The following FNIP1 variants were observed in gnomAD, a reference collection of about 807,000 sequenced individuals.
FNIP1 encodes the protein folliculin-interacting protein 1.
Under a neutral mutation model 124.5 loss-of-function variants are expected in FNIP1, and 40 were observed. The ratio of observed to expected loss-of-function variants is 0.32; its 90% CI spans 0.25 to 0.42. The LOEUF (loss-of-function observed/expected upper bound fraction) is 0.42. Ranked by LOEUF, FNIP1 falls within the 10% of genes least tolerant of loss-of-function variation. FNIP1 has a pLI of 1.00. For missense variants in FNIP1, 1,176 were observed against 1,403.7 expected (o/e 0.84, Z 2.59); for synonymous variants, 472 against 470.6 (o/e 1.00, Z -0.04).
chr5:131,796,545 T>C, intron 1 of FNIP1: 1 of 474,454 alleles, frequency 2.1e-6, no homozygotes, highest in South Asian at 3.0e-5. Context: ...GCCGCGGTGC[T>C]AGGTCCGGAG....
intron 1 of FNIP1, among the ~76,000 whole-genome samples, chr5:131,781,441 A>T (rs531926631): frequency 6.6e-6 from 1 of 152,334 alleles, no homozygotes; most frequent in South Asian, 2.1e-4. Context: ...GCTTTAAAGG[A>T]CAGGCTGACT....
chr5:131,683,445 C>T (rs1768157542), intron 11 of FNIP1, among the ~76,000 whole-genome samples: 4 of 149,636 alleles, frequency 2.7e-5, no homozygotes, highest in South Asian at 2.1e-4. Flanking sequence ...CCCAGCTACT[C>T]GGAAGGCTGA....
intron 1 of FNIP1, among the ~76,000 whole-genome samples, chr5:131,756,468 A>G (rs1472863881): frequency 6.6e-6 from 1 of 152,202 alleles, no homozygotes; most frequent in African/African-American, 2.4e-5. Flanking sequence ...AAAGGAAAAA[A>G]GGCATCTATT....
At chr5:131,747,814 A>C (rs542926732) in intron 1 of FNIP1, among the ~76,000 whole-genome samples, 1 of 152,182 alleles carries the variant, frequency 6.6e-6, no homozygotes, top group Non-Finnish European at 1.5e-5. Flanking sequence ...ATATTCTGCT[A>C]TTTAAAAAAT....
At chr5:131,719,488 A>G in intron 3 of FNIP1, 71 bp from the exon 4 acceptor site, 2 of 1,393,066 alleles carry the variant, frequency 1.4e-6, no homozygotes, top group Non-Finnish European at 2.0e-6. Flanking sequence ...GTTGATTTTT[A>G]TTAAAAATTC....
At chr5:131,658,435 G>GA (rs955148012) in intron 15 of FNIP1, among the ~76,000 whole-genome samples, 3 of 150,086 alleles carry the variant, frequency 2.0e-5, no homozygotes, top group Non-Finnish European at 4.5e-5. Context: ...ACAGCTTTTT[G>GA]TTTTTTTTTA....
chr5:131,754,568 A>G (rs528476737), intron 1 of FNIP1, among the ~76,000 whole-genome samples: 17 of 152,356 alleles, frequency 1.1e-4, no homozygotes, highest in African/African-American at 3.8e-4. Context: ...AGTGATGGGC[A>G]GGGGAGAAGG....
At chr5:131,775,983 T>C (rs922495373) in intron 1 of FNIP1, among the ~76,000 whole-genome samples, 1 of 152,246 alleles carries the variant, frequency 6.6e-6, no homozygotes, top group African/African-American at 2.4e-5. Context: ...TAATCTACTA[T>C]AGCACTTCAC....
chr5:131,666,741 T>C (rs999301119), intron 15 of FNIP1, among the ~76,000 whole-genome samples: 6 of 152,152 alleles, frequency 3.9e-5, no homozygotes, highest in Non-Finnish European at 7.3e-5. Flanking sequence ...AACTAAATAC[T>C]ATTATTATTA....
chr5:131,753,951 C>T (rs1770963724), intron 1 of FNIP1, among the ~76,000 whole-genome samples: 1 of 152,162 alleles, frequency 6.6e-6, no homozygotes, highest in South Asian at 2.1e-4. Context: ...GTAGCTGGGA[C>T]TACAGGCACA....
intron 3 of FNIP1, among the ~76,000 whole-genome samples, chr5:131,722,976 G>C (rs532229600): frequency 7.2e-4 from 109 of 152,212 alleles, no homozygotes; most frequent in African/African-American, 2.4e-3. Context: ...GAGCCAACTC[G>C]CCCAGCCCAC....
intron 2 of FNIP1, among the ~76,000 whole-genome samples, chr5:131,742,676 T>A (rs1285451785): frequency 1.3e-5 from 2 of 152,260 alleles, no homozygotes; most frequent in Non-Finnish European, 2.9e-5. Flanking sequence ...CAAAGCTGAA[T>A]AATTTACTTT....
intron 2 of FNIP1, among the ~76,000 whole-genome samples, chr5:131,740,598 T>A (rs914781742): frequency 5.9e-5 from 9 of 152,194 alleles, no homozygotes; most frequent in African/African-American, 2.2e-4. Flanking sequence ...TCAGAATGGA[T>A]CCATTTGGCT....
At chr5:131,796,804 G>A in intron 1 of FNIP1, 26 bp downstream of exon 1, 5 of 1,549,986 alleles carry the variant, frequency 3.2e-6, no homozygotes, top group Non-Finnish European at 4.4e-6. Flanking sequence ...CATCGGCTCC[G>A]CGACCCCCGC....
intron 1 of FNIP1, among the ~76,000 whole-genome samples, chr5:131,761,270 C>A (rs1165126511): frequency 6.6e-6 from 1 of 152,072 alleles, no homozygotes; most frequent in Non-Finnish European, 1.5e-5. Flanking sequence ...GAAGTCCTAG[C>A]TGGAGCAATT....
chr5:131,755,880 A>C (rs1199948038), intron 1 of FNIP1, among the ~76,000 whole-genome samples: 1 of 151,814 alleles, frequency 6.6e-6, no homozygotes, highest in Non-Finnish European at 1.5e-5. Context: ...ATAGTGGCAC[A>C]TGTCTGTAGT....
chr5:131,678,162 T>C (rs1767965529), intron 12 of FNIP1, among the ~76,000 whole-genome samples: 1 of 152,228 alleles, frequency 6.6e-6, no homozygotes, highest in African/African-American at 2.4e-5. Flanking sequence ...TCAAAAATTA[T>C]GGATTATTTT....
chr5:131,734,804 A>C (rs1170905596), intron 2 of FNIP1, among the ~76,000 whole-genome samples: 1 of 152,192 alleles, frequency 6.6e-6, no homozygotes, highest in Non-Finnish European at 1.5e-5. Context: ...AAAAGTCAGG[A>C]AACAACAAGG....
At chr5:131,658,409 G>A (rs1029404349) in intron 15 of FNIP1, among the ~76,000 whole-genome samples, 4 of 152,020 alleles carry the variant, frequency 2.6e-5, no homozygotes, top group Non-Finnish European at 4.4e-5. Context: ...AGCTAACTTC[G>A]GAAGACATTT....
Sources: allele counts gnomAD v4.1 joint callset (sites outside exome capture counted in the v4.1 genomes callset), GRCh38; gene constraint gnomAD v4.1.1; transcripts MANE v1.5; gene names NCBI Gene and HGNC (gene_info 2026-07-23, HGNC 2026-07-21).